Variants in PHEX observed in about 807,000 individuals in gnomAD.
PHEX encodes the protein phosphate regulating endopeptidase X-linked.
Under a neutral mutation model 68.0 loss-of-function variants are expected in PHEX, and 16 were observed. The observed-to-expected ratio is 0.24, with a 90% CI of 0.16 to 0.36. The LOEUF (loss-of-function observed/expected upper bound fraction) is 0.36. Among genes scored for constraint, PHEX ranks in the 10% least tolerant of loss-of-function variants. The probability of loss-of-function intolerance (pLI) is 1.00; values close to 1 mark genes in which losing one functional copy is unlikely to be tolerated. For synonymous variants in PHEX, 208 were observed against 205.1 expected, an observed-to-expected ratio of 1.01 and a Z score of -0.12; for missense variants, 480 against 575.5, an observed-to-expected ratio of 0.83 and a Z score of 1.70.
At chrX:22,047,996 A>G (rs1927624389) in intron 3 of PHEX, among the ~76,000 whole-genome samples, 1 of 110,331 alleles carries the variant, frequency 9.1e-6, no homozygotes, top group African/African-American at 3.3e-5. Context: ...GAGTTACACC[A>G]TGTAACTTGC....
chrX:22,033,508 T>C lies in PHEX; in HGVS notation c.118+385T>C, dbSNP rs1012011454. Among the ~76,000 whole-genome samples the C allele has an allele frequency of 3.6e-5, 4 of 112,446 alleles. No homozygotes were observed. The East Asian group carries it at 1.1e-3, about 31-fold the overall frequency. On this transcript the variant is annotated intron_variant, in intron 1 of 21. Coordinates refer to ENST00000379374, the MANE Select transcript of PHEX (RefSeq NM_000444.6). ...CTTTACATTGTGATGAAAACCATGCTGGAGTGTCTTTCCATTTGACTTTTA... is the reference window on the plus strand; with the variant it reads ...CTTTACATTGTGATGAAAACCATGCCGGAGTGTCTTTCCATTTGACTTTTA...
chrX:22,164,215 A>C (rs2147114580), intron 12 of PHEX, among the ~76,000 whole-genome samples: 1 of 111,877 alleles, frequency 8.9e-6, no homozygotes, highest in South Asian at 3.8e-4. Context: ...TCAGGGAAAA[A>C]TGTAGAATGG....
intron 5 of PHEX, among the ~76,000 whole-genome samples, chrX:22,082,336 A>T (rs57661471): frequency 0.058 from 6,517 of 111,452 alleles, 267 homozygotes; most frequent in African/African-American, 0.14. Flanking sequence ...AGTGTATAAG[A>T]GTTTCTTTTT....
chrX:22,144,955 C>T (rs1932624288), intron 12 of PHEX, among the ~76,000 whole-genome samples: 1 of 111,636 alleles, frequency 9.0e-6, no homozygotes, highest in Non-Finnish European at 1.9e-5. Context: ...TGTCTTTTAA[C>T]ATGTTGTTCT....
intron 20 of PHEX, among the ~76,000 whole-genome samples, chrX:22,233,999 A>G (rs903001220): frequency 1.8e-5 from 2 of 110,411 alleles, no homozygotes; most frequent in African/African-American, 6.5e-5. Context: ...GGGGTATTTT[A>G]GTAGACGTGC....
chrX:22,087,242 A>C (rs933103768), intron 5 of PHEX, among the ~76,000 whole-genome samples: 14 of 112,350 alleles, frequency 1.2e-4, no homozygotes, highest in African/African-American at 3.9e-4. Flanking sequence ...AGATTCTTCA[A>C]GTGGTCCAAA....
At chrX:22,244,020 C>T (rs1936313290) in intron 20 of PHEX, among the ~76,000 whole-genome samples, 1 of 112,231 alleles carries the variant, frequency 8.9e-6, no homozygotes, top group African/African-American at 3.2e-5. Context: ...ATAGCAAAGA[C>T]TGGGAACCAA....
At chrX:22,057,601 AAAAG>A (rs1225723138) in intron 3 of PHEX, among the ~76,000 whole-genome samples, 3 of 110,815 alleles carry the variant, frequency 2.7e-5, no homozygotes, top group Non-Finnish European at 3.8e-5. Context: ...AAAGAAAAAA[AAAAG>A]AAAGTCCCCT....
intron 15 of PHEX, among the ~76,000 whole-genome samples, chrX:22,197,023 G>T (rs1934389154): frequency 8.9e-6 from 1 of 112,097 alleles, no homozygotes; most frequent in African/African-American, 3.2e-5. Flanking sequence ...CTCACCTGTG[G>T]CTTCTCTTGG....
rs1933404806 is a variant in PHEX at position 22,168,318 on chromosome X, G to A, written c.1411G>A (p.Ala471Thr). ...TTCTTTTTCCTTTTTGTAGGCGAGAGCTGTTTTGGCAAAAGTTGGCTATCC... is the reference window on the plus strand; with the variant it reads ...TTCTTTTTCCTTTTTGTAGGCGAGAACTGTTTTGGCAAAAGTTGGCTATCC... ...TKRKAKEKAR[A>T]VLAKVGYPEF... The change falls in exon 13 of 22, where the codon GCT becomes ACT. Residue 471 changes from alanine to threonine, a missense_variant. Ala to Thr is a moderately conservative substitution (Grantham distance 58). Transcript: ENST00000379374. 8.4e-7 allele frequency: 1 copy of A among 1,187,400 alleles called. No individual in the cohort carries two copies. Among genetic ancestry groups the A allele is most frequent in the East Asian group, 3.0e-5 (1 of 33,719 alleles).
At chrX:22,178,032 CTTG>C (rs954498237) in intron 13 of PHEX, among the ~76,000 whole-genome samples, 1 of 112,048 alleles carries the variant, frequency 8.9e-6, no homozygotes, top group African/African-American at 3.2e-5. Flanking sequence ...TGCAGCTTCT[CTTG>C]TTGTGTTTTT....
rs752334861 is a variant in PHEX, at chrX:22,164,639, G to A, written c.1405-3673G>A. Among the ~76,000 whole-genome samples the A allele has an allele frequency of 8.9e-5, 10 of 111,963 alleles. No homozygotes were observed. In the East Asian group the frequency reaches 1.1e-3, roughly 13 times the overall value. On this transcript the variant is annotated intron_variant, in intron 12 of 21. Coordinates refer to ENST00000379374, the MANE Select transcript of PHEX (RefSeq NM_000444.6). ...TGTGGATGACTCAGCTTGTCCGTTC[G>A]TTCGTTCTTTTCTTTTCTTCTTTTC...
chrX:22,110,199 A>C (rs752942896), intron 9 of PHEX, among the ~76,000 whole-genome samples: 7 of 112,168 alleles, frequency 6.2e-5, no homozygotes, highest in Non-Finnish European at 1.3e-4. Flanking sequence ...AAGCAAAATG[A>C]CAGATAATGA....
chrX:22,139,129 C>A (rs1290081682), intron 12 of PHEX, among the ~76,000 whole-genome samples: 6 of 111,859 alleles, frequency 5.4e-5, no homozygotes, highest in African/African-American at 1.9e-4. Flanking sequence ...TTTTCACATC[C>A]ATAAACTGGG....
chrX:22,227,895 G>GTGTT (rs1167234502), intron 20 of PHEX, among the ~76,000 whole-genome samples: 2 of 111,605 alleles, frequency 1.8e-5, no homozygotes, highest in Non-Finnish European at 3.8e-5. Context: ...ACTTCTTAAT[G>GTGTT]TGTTTGATAC....
intron 12 of PHEX, among the ~76,000 whole-genome samples, chrX:22,144,185 G>A (rs957082467): frequency 9.0e-6 from 1 of 111,145 alleles, no homozygotes; most frequent in African/African-American, 3.3e-5. Flanking sequence ...CACAGAGTAA[G>A]TGCTCAGTAT....
At chrX:22,118,781 T>C (rs1243064813) in intron 11 of PHEX, among the ~76,000 whole-genome samples, 1 of 110,828 alleles carries the variant, frequency 9.0e-6, no homozygotes, top group Admixed American at 9.6e-5. Context: ...CACTAAGACT[T>C]CCTACATCCA....
At chrX:22,098,918 T>A in intron 8 of PHEX, 88 bp from the exon 9 acceptor site, 2 of 835,190 alleles carry the variant, frequency 2.4e-6, no homozygotes, top group Non-Finnish European at 3.5e-6. Context: ...TCAAAAGAAA[T>A]GAATGATGCT....
intron 20 of PHEX, among the ~76,000 whole-genome samples, chrX:22,243,996 C>T (rs186350140): frequency 2.3e-3 from 253 of 111,904 alleles, no homozygotes; most frequent in African/African-American, 7.9e-3. Flanking sequence ...ATGTTTATTG[C>T]GGCACTGTTC....
Sources: allele counts gnomAD v4.1 joint callset (sites outside exome capture counted in the v4.1 genomes callset), GRCh38; gene constraint gnomAD v4.1.1; transcripts MANE v1.5; gene names NCBI Gene and HGNC (gene_info 2026-07-23, HGNC 2026-07-21).